Variants in CLOCK observed in about 807,000 individuals in gnomAD.
The protein encoded by CLOCK is clock circadian regulator, also known as circadian locomoter output cycles protein kaput.
A neutral mutation model predicts 118.4 loss-of-function variants in CLOCK; 43 were observed. The ratio of observed to expected loss-of-function variants is 0.36; its 90% confidence interval spans 0.28 to 0.47. CLOCK has a LOEUF of 0.47. CLOCK is among the 20% of genes least tolerant of loss of function. CLOCK has a pLI of 1.00. For synonymous variants in CLOCK, 326 were observed against 339.2 expected (o/e 0.96, Z 0.43); for missense variants, 846 against 999.9 (o/e 0.85, Z 2.08).
At chr4:55,535,129 C>T (rs1021204907) in intron 1 of CLOCK, among the ~76,000 whole-genome samples, 1 of 151,492 alleles carries the variant, frequency 6.6e-6, no homozygotes. Flanking sequence ...CCAAAGGCCT[C>T]GCTATATTGC....
At chr4:55,515,731 A>G (rs901350462) in intron 1 of CLOCK, among the ~76,000 whole-genome samples, 3 of 151,866 alleles carry the variant, frequency 2.0e-5, no homozygotes, top group African/African-American at 7.3e-5. Context: ...TTTGTATTTA[A>G]TTTGCTCTAC....
At position 55,449,396 on chromosome 4, in the gene CLOCK, C is replaced by G. The variant is rs146781801; in HGVS notation, c.1449G>C (p.Gln483His). 8 of 1,612,080 alleles carry G rather than the reference C, an allele frequency of 5.0e-6. No homozygotes were observed. The highest frequency in any genetic ancestry group is 6.8e-6 in the Non-Finnish European group (8 of 1,178,370). The change falls in exon 17 of 23, where the codon CAG (glutamine) becomes CAC (histidine). Residue 483 changes from glutamine to histidine, a missense_variant and splice_region_variant. Transcript: ENST00000513440. ...MVQRRSSFSSQSINSQSVGSS... is the reference protein window; with the variant it reads ...MVQRRSSFSSHSINSQSVGSS... ...GAAGAATATCCACTAAAGAGCTTAC[C>G]TGACTACTAAATGATGACCTTCTTT...
intron 1 of CLOCK, among the ~76,000 whole-genome samples, chr4:55,540,993 A>G (rs1397324059): frequency 6.6e-6 from 1 of 152,376 alleles, no homozygotes; most frequent in Middle Eastern, 3.4e-3. Context: ...ACTTTAAAAG[A>G]CAAAGTAATT....
At chr4:55,448,181 C>A (rs1724039779) in intron 18 of CLOCK, among the ~76,000 whole-genome samples, 1 of 152,156 alleles carries the variant, frequency 6.6e-6, no homozygotes, top group Admixed American at 6.5e-5. Flanking sequence ...CTGTCATTCC[C>A]TCTAGATGTA....
chr4:55,527,119 A>T (rs1309148110), intron 1 of CLOCK, among the ~76,000 whole-genome samples: 1 of 152,156 alleles, frequency 6.6e-6, no homozygotes, highest in Non-Finnish European at 1.5e-5. Context: ...TATAAAGAAA[A>T]ATTGACCCAG....
At chr4:55,500,516 A>G (rs531185282) in intron 2 of CLOCK, among the ~76,000 whole-genome samples, 1 of 151,814 alleles carries the variant, frequency 6.6e-6, no homozygotes, top group East Asian at 1.9e-4. Context: ...ATTGATTTTT[A>G]ACTTTTTAAT....
In CLOCK at chr4:55,443,776, T is replaced by C; in HGVS notation, c.1813A>G (p.Asn605Asp). 6.2e-7 allele frequency: 1 copy of C among 1,614,098 alleles called. No homozygotes were observed. The highest frequency in any genetic ancestry group is 8.5e-7 in the Non-Finnish European group (1 of 1,179,974). Residue 605 changes from asparagine (N) to aspartate (D), a missense_variant, in exon 20 of 23, where the codon AAC becomes GAC. Asn to Asp is a conservative substitution (Grantham distance 23). This residue lies in a region of CLOCK where 520 missense variants were observed against 558.0 expected (regional missense o/e 0.93). Coordinates refer to ENST00000513440, the MANE Select transcript of CLOCK (RefSeq NM_004898.4). Reference protein sequence around the residue: ...INMQGQVVPTNQIQSGMNTGH... With the variant: ...INMQGQVVPTDQIQSGMNTGH... The stretch of plus-strand genomic sequence containing the variant: ...GTATTCATTCCACTTTGAATCTGGT[T>C]AGTAGGAACAACTTGGCCTTGCATA...
chr4:55,521,484 CTGGGACTGCAGGCG>C (rs1729842211), intron 1 of CLOCK, among the ~76,000 whole-genome samples: 1 of 152,240 alleles, frequency 6.6e-6, no homozygotes, highest in African/African-American at 2.4e-5. Flanking sequence ...TCCCAAAGTG[CTGGGACTGCAGGCG>C]TGCGTCAACA....
intron 6 of CLOCK, among the ~76,000 whole-genome samples, chr4:55,476,654 C>T (rs10517345): frequency 0.032 from 4,944 of 152,202 alleles, 280 homozygotes; most frequent in African/African-American, 0.11. Flanking sequence ...CCTTGTACAA[C>T]AGTAGAGAGA....
intron 4 of CLOCK, among the ~76,000 whole-genome samples, chr4:55,480,552 T>G (rs1726846927): frequency 6.6e-6 from 1 of 152,114 alleles, no homozygotes; most frequent in African/African-American, 2.4e-5. Flanking sequence ...AGGTGTGAGC[T>G]GCCGTACCCA....
intron 1 of CLOCK, among the ~76,000 whole-genome samples, chr4:55,516,789 T>C (rs1466302381): frequency 6.6e-6 from 1 of 152,236 alleles, no homozygotes; most frequent in Non-Finnish European, 1.5e-5. Flanking sequence ...TTTCTGCCTG[T>C]TGTAGTTTTA....
rs1307514318 is a variant in CLOCK, at chr4:55,433,359, G to C, written c.*2056C>G. The C allele has an allele frequency of 1.3e-5, 2 of 152,482 alleles. No individual in the cohort carries two copies. The highest frequency in any genetic ancestry group is 4.8e-5 in the African/African-American group (2 of 41,386). The allele number at this position is 152,482 out of a possible 1,614,324, so 9.4% of individuals were successfully genotyped here. On this transcript the variant is annotated 3_prime_UTR_variant, in exon 23 of 23. Coordinates refer to ENST00000513440, the MANE Select transcript of CLOCK (RefSeq NM_004898.4). The stretch of plus-strand genomic sequence containing the variant: ...AGAAGGGTAAGTACCAATTTTCTTT[G>C]GTTGTTTTCTTTTTCAACATTAATG...
At chr4:55,524,806 A>C (rs2110071474) in intron 1 of CLOCK, among the ~76,000 whole-genome samples, 1 of 152,320 alleles carries the variant, frequency 6.6e-6, no homozygotes, top group East Asian at 1.9e-4. Flanking sequence ...TGCCATAATG[A>C]GCAGAAATGA....
intron 7 of CLOCK, among the ~76,000 whole-genome samples, chr4:55,471,468 G>A (rs1004163081): frequency 6.6e-6 from 1 of 152,118 alleles, no homozygotes; most frequent in African/African-American, 2.4e-5. Flanking sequence ...ATTCAGTTAG[G>A]AAAATCATAG....
chr4:55,534,929 A>ATT (rs34133453), intron 1 of CLOCK, among the ~76,000 whole-genome samples: 7 of 134,226 alleles, frequency 5.2e-5, no homozygotes, highest in South Asian at 2.5e-4. Context: ...TAAAGTGAGA[A>ATT]TTTTTTTTTT....
In CLOCK at chr4:55,444,622, A is replaced by G. The variant is rs754911578; in HGVS notation, c.1692+11T>C. The G allele has an allele frequency of 2.2e-5, 36 of 1,613,934 alleles. No individual in the cohort carries two copies. Among genetic ancestry groups the G allele is most frequent in the South Asian group, 1.9e-4 (17 of 91,088 alleles). ...TGGGATGCTTTGTTTGTATTCAAAT[A>G]TAACAATTACCTGCAGCCCCTGACC... is the stretch of plus-strand genomic sequence containing the variant. On this transcript the variant is annotated intron_variant, in intron 19 of 22. Coordinates refer to ENST00000513440, the MANE Select transcript of CLOCK (RefSeq NM_004898.4).
At chr4:55,534,436 A>G (rs1274110743) in intron 1 of CLOCK, among the ~76,000 whole-genome samples, 1 of 152,180 alleles carries the variant, frequency 6.6e-6, no homozygotes, top group Non-Finnish European at 1.5e-5. Flanking sequence ...AACAGCACAC[A>G]GTCTATGTGC....
intron 1 of CLOCK, among the ~76,000 whole-genome samples, chr4:55,514,152 G>C (rs896634207): frequency 6.6e-6 from 1 of 152,006 alleles, no homozygotes; most frequent in Non-Finnish European, 1.5e-5. Flanking sequence ...ATGTGAAAAG[G>C]AGTGGTAAAA....
intron 1 of CLOCK, among the ~76,000 whole-genome samples, chr4:55,534,347 CA>C (rs1730747225): frequency 6.6e-6 from 1 of 151,924 alleles, no homozygotes; most frequent in South Asian, 2.1e-4. Context: ...AAAGATACCA[CA>C]AAAAAAGAAA....
Sources: allele counts gnomAD v4.1 joint callset (sites outside exome capture counted in the v4.1 genomes callset), GRCh38; gene constraint gnomAD v4.1.1; regional missense constraint gnomAD v4.1.1; transcripts MANE v1.5; gene names NCBI Gene and HGNC (gene_info 2026-07-23, HGNC 2026-07-21).